The following PRKG1 variants were observed in gnomAD, a reference collection of about 807,000 sequenced individuals.
PRKG1 encodes cGMP-dependent protein kinase 1.
In PRKG1, 35 loss-of-function variants were observed where a neutral mutation model predicts 88.1. The ratio of observed to expected loss-of-function variants is 0.40; its 90% CI spans 0.30 to 0.53. The LOEUF is 0.53. Ranked by LOEUF, PRKG1 falls within the 20% of genes least tolerant of loss-of-function variation. The pLI, the probability that PRKG1 is intolerant of heterozygous loss-of-function variation, is 0.59. For synonymous variants in PRKG1, 303 were observed against 292.5 expected, an observed-to-expected ratio of 1.04 and a Z score of -0.37; for missense variants, 540 against 839.8, an observed-to-expected ratio of 0.64 and a Z score of 4.41.
chr10:51,036,504 C>T (rs2132752610), intron 1 of PRKG1, among the ~76,000 whole-genome samples: 1 of 152,014 alleles, frequency 6.6e-6, no homozygotes, highest in Middle Eastern at 3.4e-3. Context: ...TGATCTGAGA[C>T]TGGGAGCTGA....
intron 3 of PRKG1, among the ~76,000 whole-genome samples, chr10:51,536,789 A>C (rs1165508899): frequency 6.9e-6 from 1 of 145,782 alleles, no homozygotes; most frequent in East Asian, 2.1e-4. Flanking sequence ...TCCTAACGCT[A>C]TCCCTCACCC....
At chr10:51,393,118 C>T (rs1269166990) in intron 2 of PRKG1, among the ~76,000 whole-genome samples, 1 of 112,632 alleles carries the variant, frequency 8.9e-6, no homozygotes, top group African/African-American at 4.0e-5. Context: ...GGTTGCCGGG[C>T]GGAGGGTCTC....
intron 2 of PRKG1, among the ~76,000 whole-genome samples, chr10:51,278,042 G>C (rs866569378): frequency 7.2e-5 from 11 of 152,306 alleles, no homozygotes; most frequent in South Asian, 4.1e-4. Flanking sequence ...AGTTTTCAAA[G>C]GGAATGCTTC....
In PRKG1 at chr10:51,818,932, G is replaced by A. The variant is rs1157596839; in HGVS notation, c.698+14242G>A. The stretch of plus-strand genomic sequence containing the variant: ...TGAGGCAGGAGAATGGCGTGAACCC[G>A]GGAGGCGGAGCTTGCAGTGAGCCGA... On this transcript the variant is annotated intron_variant, in intron 4 of 17. Transcript: ENST00000373980. Among the ~76,000 whole-genome samples, 102 of 101,768 alleles carry A rather than the reference G, an allele frequency of 1.0e-3. 6 individuals are homozygous for A. Among genetic ancestry groups the A allele is most frequent in the Non-Finnish European group, 1.1e-3 (60 of 56,524 alleles). The allele number at this position is 101,768 out of a possible 152,430, so 66.8% of individuals were successfully genotyped here. A position where few individuals can be genotyped will look rare whatever the true frequency, so the allele number is the denominator to read the frequency against.
At position 51,244,430 on chromosome 10, in the gene PRKG1, G is replaced by C. The variant is rs150809328; in HGVS notation, c.478+91100G>C. 7.2e-3 allele frequency among the ~76,000 whole-genome samples: 1,095 copies of C among 151,402 alleles called. 7 individuals are homozygous for C. The highest frequency in any genetic ancestry group is 0.011 in the Non-Finnish European group (719 of 67,900). ...ACCCTCATGTCTAGGGGGATATGTA[G>C]AGTAGATCATATTTATTTATAGAAC... On this transcript the variant is annotated intron_variant, in intron 2 of 17. Transcript: ENST00000373980.
At chr10:51,143,559 G>T (rs748205270) in intron 1 of PRKG1, among the ~76,000 whole-genome samples, 1 of 151,926 alleles carries the variant, frequency 6.6e-6, no homozygotes, top group Non-Finnish European at 1.5e-5. Context: ...ACTATTTTCC[G>T]TAATGGCTAT....
At chr10:52,150,333 G>C (rs1342620294) in intron 8 of PRKG1, among the ~76,000 whole-genome samples, 3 of 151,884 alleles carry the variant, frequency 2.0e-5, no homozygotes, top group African/African-American at 4.8e-5. Context: ...TGCAGATGTT[G>C]GAAACAGGTT....
intron 8 of PRKG1, among the ~76,000 whole-genome samples, chr10:52,143,291 A>G (rs1478920328): frequency 6.6e-6 from 1 of 151,964 alleles, no homozygotes; most frequent in Non-Finnish European, 1.5e-5. Context: ...GAAGCACACC[A>G]CTATTGACAT....
intron 2 of PRKG1, among the ~76,000 whole-genome samples, chr10:51,222,176 G>A (rs1210038727): frequency 4.5e-5 from 6 of 133,354 alleles, no homozygotes; most frequent in East Asian, 2.6e-4. Flanking sequence ...ATGAGCCACC[G>A]CGCCCAGCCT....
In PRKG1 at chr10:51,841,817, G is replaced by A. The variant is rs184589399; in HGVS notation, c.698+37127G>A. 9.2e-5 allele frequency among the ~76,000 whole-genome samples: 14 copies of A among 152,200 alleles called. No individual in the cohort carries two copies. The East Asian group carries it at 2.5e-3, about 27-fold the overall frequency. ...CCTGCCTCGGCCTCCTGAGTAGCTG[G>A]GATTATAGATGTGCACCTCCAGGCC... On this transcript the variant is annotated intron_variant, in intron 4 of 17. Coordinates refer to ENST00000373980, the MANE Select transcript of PRKG1 (RefSeq NM_006258.4).
intron 10 of PRKG1, among the ~76,000 whole-genome samples, chr10:52,255,038 A>G (rs1350104589): frequency 1.3e-5 from 2 of 152,054 alleles, no homozygotes; most frequent in Non-Finnish European, 2.9e-5. Flanking sequence ...TTTTCTGCCT[A>G]TGTTCTTTAT....
intron 5 of PRKG1, among the ~76,000 whole-genome samples, chr10:51,990,042 T>A (rs1844263129): frequency 6.6e-6 from 1 of 152,190 alleles, no homozygotes; most frequent in Admixed American, 6.5e-5. Flanking sequence ...TGCTTTTGCA[T>A]GTGGATATCC....
chr10:51,011,429 A>T (rs28755832), intron 1 of PRKG1, among the ~76,000 whole-genome samples: 4 of 152,034 alleles, frequency 2.6e-5, no homozygotes, highest in Admixed American at 6.6e-5. Context: ...CAAACAAAAT[A>T]AAAAAAATGT....
intron 9 of PRKG1, among the ~76,000 whole-genome samples, chr10:52,186,857 A>T (rs1479010922): frequency 6.6e-6 from 1 of 152,168 alleles, no homozygotes; most frequent in Non-Finnish European, 1.5e-5. Flanking sequence ...AGGTGTTGAA[A>T]ATGAGCCTCG....
At chr10:51,259,445 C>G (rs1241481650) in intron 2 of PRKG1, among the ~76,000 whole-genome samples, 2 of 152,120 alleles carry the variant, frequency 1.3e-5, no homozygotes, top group Non-Finnish European at 2.9e-5. Flanking sequence ...TACAGTAACC[C>G]TATGGGTTGG....
chr10:51,227,487 A>G (rs1317579375), intron 2 of PRKG1, among the ~76,000 whole-genome samples: 2 of 152,084 alleles, frequency 1.3e-5, no homozygotes, highest in Non-Finnish European at 2.9e-5. Context: ...GATATATCCA[A>G]TTTACCTTGT....
At chr10:51,637,927 T>C (rs548842027) in intron 3 of PRKG1, among the ~76,000 whole-genome samples, 80 of 152,188 alleles carry the variant, frequency 5.3e-4, no homozygotes, top group African/African-American at 1.9e-3. Context: ...GAACTTAAAA[T>C]AGAAGTTGAA....
intron 5 of PRKG1, among the ~76,000 whole-genome samples, chr10:52,052,733 C>T (rs1846020328): frequency 6.6e-6 from 1 of 152,082 alleles, no homozygotes; most frequent in Non-Finnish European, 1.5e-5. Flanking sequence ...ACCACAAGAA[C>T]AGTATGGAAG....
chr10:51,302,623 T>TG (rs35114043), intron 2 of PRKG1: 1 of 151,864 alleles, frequency 6.6e-6, no homozygotes, highest in Non-Finnish European at 1.5e-5. Flanking sequence ...TTACTAAATA[T>TG]GGGGGTTTGA....
Sources: allele counts gnomAD v4.1 joint callset (sites outside exome capture counted in the v4.1 genomes callset), GRCh38; gene constraint gnomAD v4.1.1; transcripts MANE v1.5; gene names NCBI Gene and HGNC (gene_info 2026-07-23, HGNC 2026-07-21).